The following HAS1 variants were observed in gnomAD, a reference collection of about 807,000 sequenced individuals.
HAS1 encodes hyaluronan synthase 1.
In HAS1, 27 loss-of-function variants were observed where a neutral mutation model predicts 35.0. The ratio of observed to expected loss-of-function variants is 0.77; its 90% CI spans 0.57 to 1.06. HAS1 has a LOEUF of 1.06. HAS1 is among the 50% of genes least tolerant of loss of function. The probability of loss-of-function intolerance (pLI) is 0.00; values close to 1 mark genes in which losing one functional copy is unlikely to be tolerated. For missense variants in HAS1, 940 were observed against 814.8 expected (o/e 1.15, Z -1.87); for synonymous variants, 409 against 371.2 (o/e 1.10, Z -1.17).
chr19:51,713,845 C>A lies in HAS1; in HGVS notation c.1316G>T (p.Gly439Val), dbSNP rs945513495. The change falls in exon 5 of 5, where the codon GGC becomes GTC. Residue 439 changes from glycine (G) to valine (V), a missense_variant. Physicochemically the swap from Gly to Val is moderately radical, Grantham distance 109. Transcript: ENST00000540069. This position sits in a 1 kb window ranked among gnomAD's most constrained non-coding sequence, Gnocchi z 4.5. Reference protein sequence around the residue: ...ALLWVLLCVQGVALAKAAFAA... With the variant: ...ALLWVLLCVQVVALAKAAFAA... ...GAAGGCCGCCTTGGCCAGTGCCACGCCCTGCACGCACAGCAGCACCCACAG... is the reference window on the plus strand; with the variant it reads ...GAAGGCCGCCTTGGCCAGTGCCACGACCTGCACGCACAGCAGCACCCACAG... The A allele has an allele frequency of 6.2e-7, 1 of 1,607,198 alleles. No individual in the cohort carries two copies. The highest frequency in any genetic ancestry group is 8.5e-7 in the Non-Finnish European group (1 of 1,179,314).
At chr19:51,717,471 G>A (rs1053309214) in intron 2 of HAS1, among the ~76,000 whole-genome samples, 7 of 152,168 alleles carry the variant, frequency 4.6e-5, no homozygotes, top group African/African-American at 1.7e-4. Flanking sequence ...TATGGCAGAA[G>A]TTATGGGATA....
At chr19:51,723,611 G>A (rs1456068526) in intron 1 of HAS1, among the ~76,000 whole-genome samples, 1 of 151,928 alleles carries the variant, frequency 6.6e-6, no homozygotes, top group East Asian at 1.9e-4. Context: ...CTTTCTCTCT[G>A]CCTCCCAGGG....
At position 51,713,744 on chromosome 19, in the gene HAS1, G is replaced by A. The variant is rs771697406; in HGVS notation, c.1417C>T (p.Pro473Ser). Residue 473 changes from proline (P) to serine (S), a missense_variant, in exon 5 of 5, where the codon CCT becomes TCT. Transcript: ENST00000540069. This position sits in a 1 kb window ranked among gnomAD's most constrained non-coding sequence, Gnocchi z 4.5. Reference sequence around the variant, plus strand: ...GTGACTAGCGCCAGGAACTTGGCAGGCAGGAGGCCACACATGTAGAGGGGC... The same window carrying A: ...GTGACTAGCGCCAGGAACTTGGCAGACAGGAGGCCACACATGTAGAGGGGC... ...YAPLYMCGLL[P>S]AKFLALVTMN... The A allele has an allele frequency of 6.2e-7, 1 of 1,607,172 alleles. No homozygotes were observed. Among genetic ancestry groups the A allele is most frequent in the Non-Finnish European group, 8.5e-7 (1 of 1,177,046 alleles).
At position 51,713,502 on chromosome 19, in the gene HAS1, G is replaced by C. The variant is rs1210687072; in HGVS notation, c.1659C>G (p.Ala553=). Residue 553 remains alanine (A), a synonymous_variant, in exon 5 of 5, where the codon GCC becomes GCG. Coordinates refer to ENST00000540069, the MANE Select transcript of HAS1 (RefSeq NM_001297436.2). The surrounding 1 kb of genome is among the most constrained non-coding windows in gnomAD (Gnocchi z 4.5). The part of the protein sequence containing the change: ...GAGAYVGYWV[A]MLTLYWVGVR... ...CGCCCACCCAGTACAGCGTCAACAT[G>C]GCCACCCAGTAGCCCACGTAGGCGC... The C allele has an allele frequency of 1.9e-6, 3 of 1,606,624 alleles. No individual in the cohort carries two copies. Among genetic ancestry groups the C allele is most frequent in the Non-Finnish European group, 2.5e-6 (3 of 1,177,174 alleles).
At chr19:51,714,881 TTACTAA>T (rs1346117760) in intron 4 of HAS1, among the ~76,000 whole-genome samples, 1 of 152,128 alleles carries the variant, frequency 6.6e-6, no homozygotes, top group Non-Finnish European at 1.5e-5. Context: ...ACTGACACTA[TTACTAA>T]TACTATCACT....
At chr19:51,719,172 G>C in intron 2 of HAS1, 34 bp downstream of exon 2, 7 of 1,363,878 alleles carry the variant, frequency 5.1e-6, no homozygotes, top group Non-Finnish European at 7.0e-6. Context: ...TTGGGTGTTC[G>C]GGTCACGAGT....
chr19:51,715,170 G>A (rs1005030447), intron 4 of HAS1, among the ~76,000 whole-genome samples: 3 of 152,094 alleles, frequency 2.0e-5, no homozygotes, highest in Non-Finnish European at 4.4e-5. Flanking sequence ...CCCTGCTTCC[G>A]ACCTTGCCTT....
intron 2 of HAS1, among the ~76,000 whole-genome samples, chr19:51,717,768 C>T (rs1271895102): frequency 6.6e-6 from 1 of 152,126 alleles, no homozygotes; most frequent in Non-Finnish European, 1.5e-5. Context: ...TAAAAAAGAC[C>T]CAGCTCCAGC....
In HAS1 at chr19:51,713,946, C is replaced by T. The variant is rs1241769963; in HGVS notation, c.1215G>A (p.Val405=). The T allele has an allele frequency of 6.2e-7, 1 of 1,610,820 alleles. No individual in the cohort carries two copies. Among genetic ancestry groups the T allele is most frequent in the African/African-American group, 1.3e-5 (1 of 74,936 alleles). The change falls in exon 5 of 5, where the codon GTG becomes GTA. Residue 405 remains valine (V), a synonymous_variant. Coordinates refer to ENST00000540069, the MANE Select transcript of HAS1 (RefSeq NM_001297436.2). The surrounding 1 kb of genome is among the most constrained non-coding windows in gnomAD (Gnocchi z 4.5). Reference sequence around the variant, plus strand: ...CGAAGAAGGGGAACAGGCCGGAGACCACCGCCTCGTAGGTCATCCACGCAT... The same window carrying T: ...CGAAGAAGGGGAACAGGCCGGAGACTACCGCCTCGTAGGTCATCCACGCAT... ...RHHAWMTYEA[V]VSGLFPFFVA... is the part of the protein sequence containing the mutation.
chr19:51,718,697 C>T (rs559463977), intron 2 of HAS1, among the ~76,000 whole-genome samples: 7 of 152,254 alleles, frequency 4.6e-5, no homozygotes, highest in African/African-American at 1.4e-4. Context: ...CCACCATGCT[C>T]GGCTAATTTT....
intron 1 of HAS1, among the ~76,000 whole-genome samples, chr19:51,721,486 T>A (rs1392361527): frequency 6.6e-6 from 1 of 152,238 alleles, no homozygotes; most frequent in Middle Eastern, 3.4e-3. Flanking sequence ...TTTTTTAAAT[T>A]GAGACAGGGA....
intron 4 of HAS1, 96 bp downstream of exon 4, chr19:51,716,160 G>A (rs1287165278): frequency 1.9e-6 from 2 of 1,077,016 alleles, no homozygotes; most frequent in Middle Eastern, 2.1e-4. Flanking sequence ...ATTGTCTGGT[G>A]AGTTACTTTG....
rs1049343160 is a variant in HAS1 at position 51,713,562 on chromosome 19, G to T, written c.1599C>A (p.Arg533=). The part of the protein sequence containing the change: ...EARADWSGPS[R]AAEAYHLAAG... The stretch of plus-strand genomic sequence containing the variant: ...CGGCCAAGTGGTAGGCCTCGGCTGC[G>T]CGGGAAGGGCCGCTCCAGTCGGCCC... The change falls in exon 5 of 5, where the codon CGC becomes CGA. Residue 533 remains arginine, a synonymous_variant. Transcript: ENST00000540069. This position sits in a 1 kb window ranked among gnomAD's most constrained non-coding sequence, Gnocchi z 4.5. The T allele has an allele frequency of 6.3e-6, 10 of 1,576,336 alleles. No individual in the cohort carries two copies. The highest frequency in any genetic ancestry group is 5.4e-5 in the African/African-American group (4 of 73,874).
Position 51,713,139 on chromosome 19 carries a change from C to T in HAS1, c.*288G>A. 2.6e-6 allele frequency: 1 copy of T among 381,156 alleles called. No homozygotes were observed. The highest frequency in any genetic ancestry group is 4.6e-6 in the Non-Finnish European group (1 of 215,656). 23.6% of individuals were successfully genotyped at this position (381,156 alleles called of 1,614,324 possible). A position where few individuals can be genotyped will look rare whatever the true frequency, so the allele number is the denominator to read the frequency against. ...AAATAAATAAAATTCTTTATTACAT[C>T]CTGATCACACAGTAGAAATGGAGAT... is the stretch of plus-strand genomic sequence containing the variant. On this transcript the variant is annotated 3_prime_UTR_variant, in exon 5 of 5. Coordinates refer to ENST00000540069, the MANE Select transcript of HAS1 (RefSeq NM_001297436.2). The surrounding 1 kb of genome is among the most constrained non-coding windows in gnomAD (Gnocchi z 4.5).
At chr19:51,714,136 G>C (rs764475340) in intron 4 of HAS1, 34 bp from the exon 5 acceptor site, 6 of 1,591,092 alleles carry the variant, frequency 3.8e-6, no homozygotes, top group African/African-American at 1.3e-5. Flanking sequence ...GCATCATCGC[G>C]TGCTCCCTGG....
chr19:51,714,695 T>TAAAAAAAAAAAAAAA lies in HAS1; in HGVS notation c.1059-594_1059-593insTTTTTTTTTTTTTTT, dbSNP rs148154630. ...CTGAGCAACACAGCAAGACTCTATC[T>TAAAAAAAAAAAAAAA]AAGAAAAAAAAAAAGGCTCTCATAA... On this transcript the variant is annotated intron_variant, in intron 4 of 4. Coordinates refer to ENST00000540069, the MANE Select transcript of HAS1 (RefSeq NM_001297436.2). Among the ~76,000 whole-genome samples, 32 of 95,780 alleles carry TAAAAAAAAAAAAAAA rather than the reference T, an allele frequency of 3.3e-4. 6 individuals are homozygous for TAAAAAAAAAAAAAAA. The highest frequency in any genetic ancestry group is 8.3e-4 in the South Asian group (2 of 2,406). 62.8% of individuals were successfully genotyped at this position (95,780 alleles called of 152,430 possible).
At chr19:51,717,661 G>A (rs1168959994) in intron 2 of HAS1, among the ~76,000 whole-genome samples, 1 of 152,220 alleles carries the variant, frequency 6.6e-6, no homozygotes, top group Admixed American at 6.5e-5. Context: ...TGCTGGCCTT[G>A]AAGAGGCAAG....
At position 51,713,756 on chromosome 19, in the gene HAS1, A is replaced by T. The variant is rs746492277; in HGVS notation, c.1405T>A (p.Cys469Ser). The part of the protein sequence containing the change: ...LLSLYAPLYM[C>S]GLLPAKFLAL... ...AGGAACTTGGCAGGCAGGAGGCCAC[A>T]CATGTAGAGGGGCGCGTAGAGCGAC... The change falls in exon 5 of 5, where the codon TGT (cysteine) becomes AGT (serine). Residue 469 changes from cysteine to serine, a missense_variant. Physicochemically the swap from Cys to Ser is moderately radical, Grantham distance 112. Transcript: ENST00000540069. The surrounding 1 kb of genome is among the most constrained non-coding windows in gnomAD (Gnocchi z 4.5). The T allele has an allele frequency of 6.2e-7, 1 of 1,606,624 alleles. No homozygotes were observed.
At position 51,713,478 on chromosome 19, in the gene HAS1, G is replaced by A. The variant is rs1290700160; in HGVS notation, c.1683C>T (p.Gly561=). The A allele has an allele frequency of 1.3e-6, 2 of 1,580,268 alleles. No homozygotes were observed. The highest frequency in any genetic ancestry group is 1.4e-5 in the African/African-American group (1 of 73,454). The change falls in exon 5 of 5, where the codon GGC becomes GGT. Residue 561 remains glycine, a synonymous_variant. Coordinates refer to ENST00000540069, the MANE Select transcript of HAS1 (RefSeq NM_001297436.2). The surrounding 1 kb of genome is among the most constrained non-coding windows in gnomAD (Gnocchi z 4.5). ...WVAMLTLYWV[G]VRRLCRRRTG... ...TCCGCCGCCGGCAAAGCCTCCGCAC[G>A]CCCACCCAGTACAGCGTCAACATGG...
Sources: allele counts gnomAD v4.1 joint callset (sites outside exome capture counted in the v4.1 genomes callset), GRCh38; gene constraint gnomAD v4.1.1; non-coding constraint Gnocchi (gnomAD v3.1); transcripts MANE v1.5; gene names NCBI Gene and HGNC (gene_info 2026-07-23, HGNC 2026-07-21).